Variants in METTL25B observed in about 807,000 individuals in gnomAD.
METTL25B encodes the protein methyltransferase-like protein 25B.
METTL25B carries 38 observed loss-of-function variants against 48.4 expected under a neutral mutation model. The observed-to-expected ratio is 0.78, with a 90% CI of 0.61 to 1.03. METTL25B has a LOEUF of 1.03. Ranked by LOEUF, METTL25B falls within the 50% of genes least tolerant of loss-of-function variation. The pLI, the probability that METTL25B is intolerant of heterozygous loss-of-function variation, is 0.00. For missense variants in METTL25B, 537 were observed against 603.7 expected (o/e 0.89, Z 1.16); for synonymous variants, 230 against 254.5 (o/e 0.90, Z 0.92).
chr1:156,729,405 CTT>C, intron 1 of METTL25B, 190 bp downstream of exon 1: 1 of 402,674 alleles, frequency 2.5e-6, no homozygotes, highest in Non-Finnish European at 4.4e-6. Flanking sequence ...AATAATATTT[CTT>C]TTTTTTTCTT....
chr1:156,736,471 T>G, intron 7 of METTL25B, 161 bp from the exon 8 acceptor site: 1 of 734,666 alleles, frequency 1.4e-6, no homozygotes, highest in South Asian at 2.0e-5. Flanking sequence ...GCCTCCCAAG[T>G]CAGTGCCTTG....
rs1167395486 is a variant in METTL25B, at chr1:156,734,451, G to A, written c.1079G>A (p.Gly360Asp). 7 of 1,603,034 alleles carry A rather than the reference G, an allele frequency of 4.4e-6. No homozygotes were observed. In the Admixed American group the frequency reaches 1.0e-4, roughly 24 times the overall value. Residue 360 changes from glycine to aspartate, a missense_variant, in exon 6 of 8, where the codon GGC (glycine) becomes GAC (aspartate). Gly to Asp is a moderately conservative substitution (Grantham distance 94, BLOSUM62 -1). Coordinates refer to ENST00000368216, the MANE Select transcript of METTL25B (RefSeq NM_015997.4). ...GCCCGGCCCGAGCTCCGTCGGCCAG[G>A]CGTGCAGGGTATCCCCAGGGTCCAC... Reference protein sequence around the residue: ...RRARPELRRPGVQGIPRVHEL... With the variant: ...RRARPELRRPDVQGIPRVHEL...
At position 156,728,727 on chromosome 1, in the gene METTL25B, G is replaced by A. The variant is rs891047620; in HGVS notation, c.-378G>A. On this transcript the variant is annotated 5_prime_UTR_variant, in exon 1 of 8. Transcript: ENST00000368216. ...CGATAAACCGGAACTGCAGCCCGCC[G>A]GACACCTCCGGCTTCACTTCCGTAA... is the stretch of plus-strand genomic sequence containing the variant. 8.0e-6 allele frequency: 8 copies of A among 1,000,056 alleles called. No homozygotes were observed. The highest frequency in any genetic ancestry group is 3.5e-5 in the African/African-American group (2 of 57,844). 61.9% of individuals were successfully genotyped at this position (1,000,056 alleles called of 1,614,324 possible). A position where few individuals can be genotyped will look rare whatever the true frequency, so the allele number is the denominator to read the frequency against.
intron 1 of METTL25B, among the ~76,000 whole-genome samples, chr1:156,731,003 T>A (rs1649242426): frequency 6.6e-6 from 1 of 152,248 alleles, no homozygotes; most frequent in South Asian, 2.1e-4. Flanking sequence ...AGCTCAAATG[T>A]CACCTCAGAC....
chr1:156,735,997 G>A (rs1649758044), intron 7 of METTL25B, 88 bp downstream of exon 7: 2 of 1,169,782 alleles, frequency 1.7e-6, no homozygotes, highest in Admixed American at 2.1e-5. Context: ...AACATCTTCT[G>A]GGCCTAGCTA....
chr1:156,736,719 A>C lies in METTL25B; in HGVS notation c.1394A>C (p.Gln465Pro). ...VLVATKMPLGQALSVLETEDS is the reference protein window; with the variant it reads ...VLVATKMPLGPALSVLETEDS The stretch of plus-strand genomic sequence containing the variant: ...GTGGCCACCAAGATGCCCCTGGGTC[A>C]GGCTCTTTCTGTTCTGGAGACTGAA... The change falls in exon 8 of 8, where the codon CAG becomes CCG. Residue 465 changes from glutamine to proline, a missense_variant. Coordinates refer to ENST00000368216, the MANE Select transcript of METTL25B (RefSeq NM_015997.4). 6.2e-7 allele frequency: 1 copy of C among 1,613,454 alleles called. No homozygotes were observed. Among genetic ancestry groups the C allele is most frequent in the Admixed American group, 1.7e-5 (1 of 60,018 alleles).
Position 156,735,805 on chromosome 1 carries a change from CCCAGGAGAACCGTG to C in METTL25B, c.1203_1216del (p.Gln402GlyfsTer34). The C allele has an allele frequency of 6.2e-7, 1 of 1,612,620 alleles. No individual in the cohort carries two copies. Among genetic ancestry groups the C allele is most frequent in the East Asian group, 2.2e-5 (1 of 44,646 alleles). ...CTGGCTGCCCTTCAGGCCCACGTGGCCCAGGAGAACCGTGTGGTGGCCTTCTTCAGCCTGGCTCT... is the reference window on the plus strand; with the variant it reads ...CTGGCTGCCCTTCAGGCCCACGTGGCTGGTGGCCTTCTTCAGCCTGGCTCT... On this transcript the variant is annotated frameshift_variant, in exon 7 of 8. Transcript: ENST00000368216. LOFTEE classifies it high-confidence loss of function.
At chr1:156,730,780 G>A (rs556980241) in intron 1 of METTL25B, among the ~76,000 whole-genome samples, 25 of 152,170 alleles carry the variant, frequency 1.6e-4, no homozygotes, top group Non-Finnish European at 3.5e-4. Context: ...GCTTTTGGAC[G>A]TGGGCAAGTT....
At position 156,728,767 on chromosome 1, in the gene METTL25B, A is replaced by AGATCT; in HGVS notation, c.-338_-337insGATCT. 9.5e-7 allele frequency: 1 copy of AGATCT among 1,048,284 alleles called. No homozygotes were observed. Among genetic ancestry groups the AGATCT allele is most frequent in the South Asian group, 3.4e-5 (1 of 29,502 alleles). The allele number at this position is 1,048,284 out of a possible 1,614,324, so 64.9% of individuals were successfully genotyped here. A position where few individuals can be genotyped will look rare whatever the true frequency, so the allele number is the denominator to read the frequency against. On this transcript the variant is annotated 5_prime_UTR_variant, in exon 1 of 8. An upstream open reading frame in the 5' UTR gains an earlier in-frame stop. Transcript: ENST00000368216. ...CACTTCCGTAAGAGGAGAGGAGTGT[A>AGATCT]CGGCAAGGGGCGGGAACTGGAACTT... is the stretch of plus-strand genomic sequence containing the variant.
chr1:156,729,327 T>C (rs1649028143), intron 1 of METTL25B, 112 bp downstream of exon 1: 1 of 664,708 alleles, frequency 1.5e-6, no homozygotes, highest in African/African-American at 1.9e-5. Context: ...TTCTATGAGT[T>C]TCAGTCTTTT....
At chr1:156,730,649 T>C (rs1166307332) in intron 1 of METTL25B, among the ~76,000 whole-genome samples, 4 of 152,042 alleles carry the variant, frequency 2.6e-5, no homozygotes, top group Non-Finnish European at 5.9e-5. Context: ...GGAGAATTGC[T>C]AGAACCAGGG....
At chr1:156,734,739 G>A (rs1649602932) in intron 6 of METTL25B, among the ~76,000 whole-genome samples, 1 of 151,770 alleles carries the variant, frequency 6.6e-6, no homozygotes, top group Admixed American at 6.6e-5. Flanking sequence ...CACCATGTTA[G>A]CCAGGATGGT....
In METTL25B at chr1:156,734,090, C is replaced by T. The variant is rs1318351483; in HGVS notation, c.718C>T (p.Leu240Phe). Reference sequence around the variant, plus strand: ...CACAGCCCTGTGTGAGGAGCTTCTGCTTCCACTGGAGAACCCGTGTCAGGG... The same window carrying T: ...CACAGCCCTGTGTGAGGAGCTTCTGTTTCCACTGGAGAACCCGTGTCAGGG... ...DPTALCEELL[L>F]PLENPCQGRA... Residue 240 changes from leucine to phenylalanine, a missense_variant, in exon 6 of 8, where the codon CTT becomes TTT. By Grantham distance (22) the Leu-to-Phe change is conservative (BLOSUM62 0). Transcript: ENST00000368216. 6.2e-7 allele frequency: 1 copy of T among 1,614,222 alleles called. No homozygotes were observed. The highest frequency in any genetic ancestry group is 1.1e-5 in the South Asian group (1 of 91,092).
chr1:156,732,897 A>G (rs1045168535), intron 3 of METTL25B, 88 bp from the exon 4 acceptor site: 2 of 1,139,256 alleles, frequency 1.8e-6, no homozygotes, highest in Non-Finnish European at 2.6e-6. Flanking sequence ...TTTCTCTGTC[A>G]TCTTTGTCTC....
Position 156,728,509 on chromosome 1 carries a change from T to C in METTL25B, c.-596T>C. On this transcript the variant is annotated 5_prime_UTR_variant, in exon 1 of 8. Coordinates refer to ENST00000368216, the MANE Select transcript of METTL25B (RefSeq NM_015997.4). The stretch of plus-strand genomic sequence containing the variant: ...AGCCCGGGAAGGCAGGCGCGCGGGT[T>C]AGAACGCGCCAGAGGTCGGCGCGCG... The C allele has an allele frequency of 1.0e-6, 1 of 985,464 alleles. No individual in the cohort carries two copies. The highest frequency in any genetic ancestry group is 1.2e-6 in the Non-Finnish European group (1 of 829,874). 61.0% of individuals were successfully genotyped at this position (985,464 alleles called of 1,614,324 possible).
chr1:156,732,450 C>T lies in METTL25B; in HGVS notation c.406C>T (p.His136Tyr). The change falls in exon 3 of 8, where the codon CAT becomes TAT. Residue 136 changes from histidine (H) to tyrosine (Y), a missense_variant. Physicochemically the swap from His to Tyr is moderately conservative, Grantham distance 83. Transcript: ENST00000368216. ...GAAACATGTCAGGCCCAAGAAGCAG[C>T]ATGAGATCCGGAGGCTGGGAGAGGT... is the stretch of plus-strand genomic sequence containing the variant. Reference protein sequence around the residue: ...FRKHVRPKKQHEIRRLGELVK... With the variant: ...FRKHVRPKKQYEIRRLGELVK... 6.2e-7 allele frequency: 1 copy of T among 1,613,956 alleles called. No individual in the cohort carries two copies. The highest frequency in any genetic ancestry group is 1.1e-5 in the South Asian group (1 of 91,086).
Position 156,734,101 on chromosome 1 carries a change from G to A in METTL25B, c.729G>A (p.Glu243=). 6.2e-7 allele frequency: 1 copy of A among 1,614,214 alleles called. No homozygotes were observed. Among genetic ancestry groups the A allele is most frequent in the Non-Finnish European group, 8.5e-7 (1 of 1,180,048 alleles). The change falls in exon 6 of 8, where the codon GAG becomes GAA. Residue 243 remains glutamate, a synonymous_variant. Coordinates refer to ENST00000368216, the MANE Select transcript of METTL25B (RefSeq NM_015997.4). ...GTGAGGAGCTTCTGCTTCCACTGGA[G>A]AACCCGTGTCAGGGCAGGGCCCGCT... is the stretch of plus-strand genomic sequence containing the variant. ...ALCEELLLPL[E]NPCQGRARLL...
chr1:156,732,078 A>G lies in METTL25B; in HGVS notation c.199A>G (p.Met67Val), dbSNP rs769103312. The change falls in exon 2 of 8, where the codon ATG becomes GTG. Residue 67 changes from methionine to valine, a missense_variant. Met to Val is a conservative substitution (Grantham distance 21). Coordinates refer to ENST00000368216, the MANE Select transcript of METTL25B (RefSeq NM_015997.4). ...ACTGAAACCACCACAGCTGGCCACA[A>G]TGCTGCTGGGGATGCCTGGGGAAGG... is the stretch of plus-strand genomic sequence containing the variant. ...DGLKPPQLATMLLGMPGEGEV... is the reference protein window; with the variant it reads ...DGLKPPQLATVLLGMPGEGEV... 32 of 1,614,236 alleles carry G rather than the reference A, an allele frequency of 2.0e-5. No individual in the cohort carries two copies. The highest frequency in any genetic ancestry group is 1.0e-4 in the Admixed American group (6 of 60,028).
chr1:156,736,581 CTGAG>C (rs1196303753), intron 7 of METTL25B, 47 bp from the exon 8 acceptor site: 7 of 1,609,324 alleles, frequency 4.3e-6, no homozygotes, highest in Non-Finnish European at 5.9e-6. Context: ...GCAGAAGAGG[CTGAG>C]TGAGTTTGGT....
Sources: allele counts gnomAD v4.1 joint callset (sites outside exome capture counted in the v4.1 genomes callset), GRCh38; gene constraint gnomAD v4.1.1; transcripts MANE v1.5; gene names NCBI Gene and HGNC (gene_info 2026-07-23, HGNC 2026-07-21).